PSD3: variants seen among roughly 807,000 people sequenced by gnomAD.
PSD3 encodes PH and SEC7 domain-containing protein 3.
Under a neutral mutation model 105.5 loss-of-function variants are expected in PSD3, and 49 were observed. The ratio of observed to expected loss-of-function variants is 0.46; its 90% confidence interval spans 0.37 to 0.59. PSD3 has a LOEUF of 0.59. PSD3 is among the 20% of genes least tolerant of loss of function. The pLI, the probability that PSD3 is intolerant of heterozygous loss-of-function variation, is 0.00. For synonymous variants in PSD3, 557 were observed against 457.8 expected (o/e 1.22, Z -2.77); for missense variants, 1,561 against 1,263.8 (o/e 1.24, Z -3.57).
intron 2 of PSD3, among the ~76,000 whole-genome samples, chr8:18,904,964 T>C (rs1198980998): frequency 6.6e-6 from 1 of 152,206 alleles, no homozygotes; most frequent in African/African-American, 2.4e-5. Context: ...CCACCTTATT[T>C]CCCTACTGCT....
chr8:18,785,076 A>G (rs1003269988), intron 8 of PSD3, among the ~76,000 whole-genome samples: 1 of 152,088 alleles, frequency 6.6e-6, no homozygotes, highest in African/African-American at 2.4e-5. Flanking sequence ...CAATGCTCCT[A>G]TCATTCATCC....
chr8:18,836,987 C>A (rs1814166079), intron 4 of PSD3, among the ~76,000 whole-genome samples: 1 of 150,764 alleles, frequency 6.6e-6, no homozygotes, highest in Non-Finnish European at 1.5e-5. Flanking sequence ...GCAGACCTTG[C>A]TCAAATCAAG....
At chr8:18,939,423 G>A (rs1368913124) in intron 1 of PSD3, among the ~76,000 whole-genome samples, 1 of 151,930 alleles carries the variant, frequency 6.6e-6, no homozygotes, top group African/African-American at 2.4e-5. Context: ...AGTTACTACA[G>A]ATATTTGGAA....
At position 18,911,099 on chromosome 8, in the gene PSD3, C is replaced by T. The variant is rs191260373; in HGVS notation, c.130+24935G>A. Among the ~76,000 whole-genome samples the T allele has an allele frequency of 2.6e-4, 40 of 152,088 alleles. 1 individual carries two copies. The East Asian group carries it at 5.4e-3, about 21-fold the overall frequency. ...CTCCATCCTGGGCAATAGAATGAGG[C>T]CATGTCAATCAATCAGTCAACCAAT... On this transcript the variant is annotated intron_variant, in intron 2 of 15. Coordinates refer to ENST00000327040, the MANE Select transcript of PSD3 (RefSeq NM_015310.4).
At chr8:18,898,881 G>A (rs1321254000) in intron 2 of PSD3, among the ~76,000 whole-genome samples, 1 of 152,154 alleles carries the variant, frequency 6.6e-6, no homozygotes, top group Non-Finnish European at 1.5e-5. Flanking sequence ...AGAAGAACAG[G>A]AAGCAAGAGA....
At chr8:18,660,389 G>C (rs1233339326) in intron 9 of PSD3, among the ~76,000 whole-genome samples, 1 of 152,156 alleles carries the variant, frequency 6.6e-6, no homozygotes, top group African/African-American at 2.4e-5. Context: ...GCAATTGTGA[G>C]AATGCATTTC....
chr8:18,757,327 G>A (rs1195610948), intron 9 of PSD3, among the ~76,000 whole-genome samples: 3 of 151,938 alleles, frequency 2.0e-5, no homozygotes, highest in Non-Finnish European at 4.4e-5. Context: ...AGCTGGGCGT[G>A]GTGGTGGATG....
At chr8:18,745,850 G>A (rs1804967418) in intron 9 of PSD3, among the ~76,000 whole-genome samples, 1 of 152,064 alleles carries the variant, frequency 6.6e-6, no homozygotes. Flanking sequence ...AATACCACAG[G>A]GTTCCTTATT....
At chr8:18,851,418 A>C (rs528540910) in intron 4 of PSD3, among the ~76,000 whole-genome samples, 61 of 152,332 alleles carry the variant, frequency 4.0e-4, no homozygotes, top group Middle Eastern at 3.4e-3. Flanking sequence ...CCAGCTAAAC[A>C]ATGACTAAAA....
At chr8:18,963,357 T>C (rs1824040350) in intron 1 of PSD3, among the ~76,000 whole-genome samples, 1 of 152,208 alleles carries the variant, frequency 6.6e-6, no homozygotes, top group Admixed American at 6.5e-5. Context: ...GAATTTGTGT[T>C]TCTAAACTAA....
At position 18,823,071 on chromosome 8, in the gene PSD3, G is replaced by A. The variant is rs114539785; in HGVS notation, c.1635-18173C>T. Among the ~76,000 whole-genome samples the A allele has an allele frequency of 5.9e-3, 837 of 142,282 alleles. 16 individuals carry two copies. The highest frequency in any genetic ancestry group is 0.021 in the African/African-American group (793 of 38,680). 93.3% of individuals were successfully genotyped at this position (142,282 alleles called of 152,430 possible). A position where few individuals can be genotyped will look rare whatever the true frequency, so the allele number is the denominator to read the frequency against. ...AATATTAATCTGGTTTTATAAAGAA[G>A]GAGGAAAAGGGAGAATGGAGAGACA... On this transcript the variant is annotated intron_variant, in intron 4 of 15. Coordinates refer to ENST00000327040, the MANE Select transcript of PSD3 (RefSeq NM_015310.4).
At chr8:18,633,609 G>A in intron 10 of PSD3, among the ~76,000 whole-genome samples, 1 of 152,040 alleles carries the variant, frequency 6.6e-6, no homozygotes. Flanking sequence ...TTCTATGGTT[G>A]CATAGTATTC....
chr8:18,797,900 G>T (rs1322685767), intron 8 of PSD3, among the ~76,000 whole-genome samples: 1 of 152,094 alleles, frequency 6.6e-6, no homozygotes, highest in Non-Finnish European at 1.5e-5. Context: ...GGTGATCACT[G>T]ACTTGATTCA....
At chr8:18,954,383 GA>G (rs77044516) in intron 1 of PSD3, among the ~76,000 whole-genome samples, 61,453 of 150,972 alleles carry the variant, frequency 0.41, 13,804 homozygotes, top group Admixed American at 0.49. Flanking sequence ...ATTTTTATAA[GA>G]AAAAAAAAGA....
chr8:19,080,774 C>T (rs950970275), intron 1 of PSD3, among the ~76,000 whole-genome samples: 1 of 152,062 alleles, frequency 6.6e-6, no homozygotes, highest in Admixed American at 6.5e-5. Flanking sequence ...TCAATCTTTT[C>T]GCAAATTTAA....
intron 10 of PSD3, among the ~76,000 whole-genome samples, chr8:18,636,092 A>T (rs929546976): frequency 6.6e-6 from 1 of 152,166 alleles, no homozygotes; most frequent in East Asian, 1.9e-4. Flanking sequence ...ATAGGAGATG[A>T]CAGCTTCATG....
chr8:18,615,069 T>A (rs1343235237), intron 11 of PSD3, among the ~76,000 whole-genome samples: 1 of 152,210 alleles, frequency 6.6e-6, no homozygotes, highest in East Asian at 1.9e-4. Flanking sequence ...AAATTTCTTT[T>A]CAAAGAATAT....
intron 4 of PSD3, among the ~76,000 whole-genome samples, chr8:18,811,048 A>C (rs770146669): frequency 6.6e-6 from 1 of 152,222 alleles, no homozygotes; most frequent in Admixed American, 6.5e-5. Context: ...ACATCATCTA[A>C]TTCCCAAAGA....
intron 4 of PSD3, among the ~76,000 whole-genome samples, chr8:18,807,177 A>C (rs1752861349): frequency 6.6e-6 from 1 of 152,190 alleles, no homozygotes; most frequent in South Asian, 2.1e-4. Context: ...CACTTATTCT[A>C]CCTCATTTAC....
Sources: gnomAD v4.1 joint callset for allele counts (sites outside exome capture counted in the v4.1 genomes callset) on GRCh38, gnomAD v4.1.1 for gene constraint, MANE v1.5 for transcripts, NCBI Gene and HGNC (gene_info 2026-07-23, HGNC 2026-07-21) for gene names.